The following CADPS variants were observed in gnomAD, a reference collection of about 807,000 sequenced individuals.
CADPS encodes the protein calcium-dependent secretion activator 1.
In CADPS, 57 loss-of-function variants were observed where a neutral mutation model predicts 167.3. That is an observed-to-expected ratio of 0.34 (90% confidence interval 0.28 to 0.42). The LOEUF is 0.42. CADPS is among the 20% of genes least tolerant of loss of function. CADPS has a pLI of 1.00. For synonymous variants in CADPS, 676 were observed against 635.3 expected (o/e 1.06, Z -0.96); for missense variants, 1,414 against 1,738.1 (o/e 0.81, Z 3.32).
At chr3:62,403,527 A>T (rs140576740) in intron 28 of CADPS, 54 of 163,514 alleles carry the variant, frequency 3.3e-4, no homozygotes, top group Non-Finnish European at 5.4e-4. Flanking sequence ...ATTTATATTC[A>T]ATACATTAAT....
At chr3:62,733,416 C>T (rs2078331786) in intron 3 of CADPS, among the ~76,000 whole-genome samples, 1 of 141,972 alleles carries the variant, frequency 7.0e-6, no homozygotes, top group South Asian at 2.1e-4. Flanking sequence ...ATCTGCAAAC[C>T]TAGAAGGAGT....
At position 62,403,159 on chromosome 3, in the gene CADPS, C is replaced by T; in HGVS notation, c.3804G>A (p.Val1268=). 1 of 1,613,464 alleles carries T rather than the reference C, an allele frequency of 6.2e-7. No individual in the cohort carries two copies. Residue 1268 remains valine, a synonymous_variant, in exon 29 of 30, where the codon GTG becomes GTA. Transcript: ENST00000383710. The part of the protein sequence containing the change: ...FDQWYNSSMN[V]ICTWLTDRMD... ...TCCGGTCCGTCAACCAGGTGCAGATCACGTTCATGGAGCTGTTGTACCATT... is the reference window on the plus strand; with the variant it reads ...TCCGGTCCGTCAACCAGGTGCAGATTACGTTCATGGAGCTGTTGTACCATT...
At chr3:62,582,219 G>A (rs1403319203) in intron 8 of CADPS, among the ~76,000 whole-genome samples, 2 of 152,242 alleles carry the variant, frequency 1.3e-5, no homozygotes, top group East Asian at 3.9e-4. Flanking sequence ...GCCAAGGCAG[G>A]CAGATTGCTT....
chr3:62,442,972 T>C (rs1216803204), intron 27 of CADPS, among the ~76,000 whole-genome samples: 1 of 152,240 alleles, frequency 6.6e-6, no homozygotes, highest in Non-Finnish European at 1.5e-5. Context: ...ATTTATTTAC[T>C]AAAAGGTTTA....
At position 62,446,448 on chromosome 3, in the gene CADPS, A is replaced by C. The variant is rs995444829; in HGVS notation, c.3637-651T>G. On this transcript the variant is annotated intron_variant, in intron 26 of 29. Coordinates refer to ENST00000383710, the MANE Select transcript of CADPS (RefSeq NM_003716.4). The surrounding 1 kb of genome is among the most constrained non-coding windows in gnomAD (Gnocchi z 4.9). ...GTAGCGTGCTAGAGTGTTATGTTTG[A>C]GAGCATGAAGTTTGGAGTCAGATCT... Among the ~76,000 whole-genome samples the C allele has an allele frequency of 3.3e-5, 5 of 152,170 alleles. No individual in the cohort carries two copies. The highest frequency in any genetic ancestry group is 1.2e-4 in the African/African-American group (5 of 41,442).
intron 21 of CADPS, among the ~76,000 whole-genome samples, chr3:62,483,026 T>C (rs116054309): frequency 0.01 from 1,572 of 152,116 alleles, 20 homozygotes; most frequent in African/African-American, 0.036. Flanking sequence ...ACACGGCTCC[T>C]CAAGCTGGCA....
At position 62,399,623 on chromosome 3, in the gene CADPS, A is replaced by C; in HGVS notation, c.3883-38T>G. ...AAGATACAGTGATAAGAGAGATCTC[A>C]TCTCCATGATGGGGAGGGAGAAGGT... On this transcript the variant is annotated intron_variant, in intron 29 of 29. Coordinates refer to ENST00000383710, the MANE Select transcript of CADPS (RefSeq NM_003716.4). This position sits in a 1 kb window ranked among gnomAD's most constrained non-coding sequence, Gnocchi z 5.6. 3.4e-4 allele frequency: 518 copies of C among 1,543,574 alleles called. No homozygotes were observed. Among genetic ancestry groups the C allele is most frequent in the Non-Finnish European group, 4.3e-4 (482 of 1,118,170 alleles).
chr3:62,444,503 G>T (rs2056894980), intron 27 of CADPS, among the ~76,000 whole-genome samples: 2 of 152,170 alleles, frequency 1.3e-5, no homozygotes, highest in Non-Finnish European at 2.9e-5. Context: ...CCCCACGAAG[G>T]GAAAGTTTAT....
rs2058494615 is a variant in CADPS, at chr3:62,454,819, T to C, written c.3637-9022A>G. Among the ~76,000 whole-genome samples, 4 of 152,124 alleles carry C rather than the reference T, an allele frequency of 2.6e-5. 1 individual carries two copies. The South Asian group carries it at 8.3e-4, about 32-fold the overall frequency. ...AGGGCTACTGGTTGATTGTACGGCT[T>C]CTGTGCATGTTCATAAATATTGATT... On this transcript the variant is annotated intron_variant, in intron 26 of 29. Transcript: ENST00000383710.
chr3:62,803,538 C>T (rs1266474690), intron 1 of CADPS, among the ~76,000 whole-genome samples: 1 of 151,944 alleles, frequency 6.6e-6, no homozygotes, highest in Non-Finnish European at 1.5e-5. Context: ...GCCCTTGCCC[C>T]ACGTGTCAAC....
chr3:62,847,272 T>C (rs1322689494), intron 1 of CADPS, among the ~76,000 whole-genome samples: 1 of 150,386 alleles, frequency 6.6e-6, no homozygotes, highest in Non-Finnish European at 1.5e-5. Flanking sequence ...TTTTTTTTTT[T>C]TTTTTTAACT....
intron 1 of CADPS, among the ~76,000 whole-genome samples, chr3:62,839,526 G>A (rs965233179): frequency 6.6e-6 from 1 of 152,148 alleles, no homozygotes; most frequent in Non-Finnish European, 1.5e-5. Flanking sequence ...TTCAGAATAT[G>A]GGATCAGGAG....
intron 1 of CADPS, among the ~76,000 whole-genome samples, chr3:62,816,404 C>T (rs773745094): frequency 6.6e-6 from 1 of 151,940 alleles, no homozygotes; most frequent in Non-Finnish European, 1.5e-5. Context: ...TTCTCCCCCA[C>T]CCAGGAAAGT....
intron 4 of CADPS, among the ~76,000 whole-genome samples, chr3:62,658,774 C>T (rs2072388450): frequency 6.6e-6 from 1 of 152,144 alleles, no homozygotes; most frequent in African/African-American, 2.4e-5. Flanking sequence ...ACGAGACTTT[C>T]ACCCCTTTTT....
At chr3:62,836,555 C>A in intron 1 of CADPS, among the ~76,000 whole-genome samples, 1 of 152,094 alleles carries the variant, frequency 6.6e-6, no homozygotes, top group Middle Eastern at 3.4e-3. Context: ...GAAGTTAACC[C>A]GTGTGTGTGT....
chr3:62,559,100 C>T (rs1024065434), intron 9 of CADPS, among the ~76,000 whole-genome samples: 1 of 152,132 alleles, frequency 6.6e-6, no homozygotes, highest in African/African-American at 2.4e-5. Flanking sequence ...ATGTGTGATA[C>T]CCATAGAGCG....
chr3:62,564,053 G>C (rs1418190771), intron 9 of CADPS, among the ~76,000 whole-genome samples: 1 of 152,056 alleles, frequency 6.6e-6, no homozygotes, highest in Non-Finnish European at 1.5e-5. Context: ...CCAGGCTGGA[G>C]TGCAGTGGCA....
rs1459384007 is a variant in CADPS, at chr3:62,662,376, G to T, written c.907C>A (p.Gln303Lys). ...AGCTCTCGTCTGATCTGGGCTGCTT[G>T]CTCATCTGGATTGTCCAGCTGCACA... Reference protein sequence around the residue: ...NACQLDNPDEQAAQIRRELDG... With the variant: ...NACQLDNPDEKAAQIRRELDG... The change falls in exon 4 of 30, where the codon CAA becomes AAA. Residue 303 changes from glutamine (Q) to lysine (K), a missense_variant. By Grantham distance (53) the Gln-to-Lys change is moderately conservative. Transcript: ENST00000383710. 1.2e-6 allele frequency: 2 copies of T among 1,613,814 alleles called. No homozygotes were observed. The highest frequency in any genetic ancestry group is 2.7e-5 in the African/African-American group (2 of 74,912).
At chr3:62,796,542 A>C (rs1051877532) in intron 1 of CADPS, 2 of 152,228 alleles carry the variant, frequency 1.3e-5, no homozygotes, top group African/African-American at 4.8e-5. Flanking sequence ...TTACATAAGA[A>C]GACAAATGAT....
Sources: allele counts gnomAD v4.1 joint callset (sites outside exome capture counted in the v4.1 genomes callset), GRCh38; gene constraint gnomAD v4.1.1; non-coding constraint Gnocchi (gnomAD v3.1); transcripts MANE v1.5; gene names NCBI Gene and HGNC (gene_info 2026-07-23, HGNC 2026-07-21).